The following FLCN variants were observed in gnomAD, a reference collection of about 807,000 sequenced individuals.
The protein encoded by FLCN is folliculin, also known as BHD skin lesion fibrofolliculoma protein.
A neutral mutation model predicts 62.5 loss-of-function variants in FLCN; 22 were observed. The ratio of observed to expected loss-of-function variants is 0.35; its 90% CI spans 0.25 to 0.50. The LOEUF is 0.50. Among genes scored for constraint, FLCN ranks in the 20% least tolerant of loss-of-function variants. FLCN has a pLI of 0.97. For synonymous variants in FLCN, 319 were observed against 310.0 expected (o/e 1.03, Z -0.30); for missense variants, 657 against 778.0 (o/e 0.84, Z 1.85).
In FLCN at chr17:17,213,072, T is replaced by C; in HGVS notation, c.*583A>G. On this transcript the variant is annotated 3_prime_UTR_variant, in exon 14 of 14. Coordinates refer to ENST00000285071, the MANE Select transcript of FLCN (RefSeq NM_144997.7). ...CACCCCAGAAGACGAGCCCCATGGC[T>C]TCAGAACACACATTTCAGAGGACCA... is the stretch of plus-strand genomic sequence containing the variant. 1 of 253,620 alleles carries C rather than the reference T, an allele frequency of 3.9e-6. No homozygotes were observed. Among genetic ancestry groups the C allele is most frequent in the Non-Finnish European group, 7.8e-6 (1 of 129,016 alleles). The allele number at this position is 253,620 out of a possible 1,614,324, so 15.7% of individuals were successfully genotyped here. A position where few individuals can be genotyped will look rare whatever the true frequency, so the allele number is the denominator to read the frequency against.
intron 4 of FLCN, 92 bp downstream of exon 4, chr17:17,227,797 C>G (rs1025175187): frequency 6.3e-7 from 1 of 1,584,620 alleles, no homozygotes; most frequent in East Asian, 2.2e-5. Context: ...GTCTGTGTCA[C>G]CCCGGGAGGC....
At chr17:17,223,481 TGA>T (rs1350668608) in intron 6 of FLCN, among the ~76,000 whole-genome samples, 1 of 152,168 alleles carries the variant, frequency 6.6e-6, no homozygotes, top group Non-Finnish European at 1.5e-5. Context: ...GCACACACCA[TGA>T]GTAAGAAACA....
chr17:17,236,506 C>A (rs1170843642), intron 1 of FLCN, among the ~76,000 whole-genome samples: 2 of 152,208 alleles, frequency 1.3e-5, no homozygotes, highest in Non-Finnish European at 2.9e-5. Context: ...CCAATCCATT[C>A]TTTCCAGGAG....
intron 1 of FLCN, among the ~76,000 whole-genome samples, chr17:17,234,278 C>T (rs1410314611): frequency 1.3e-5 from 2 of 148,614 alleles, no homozygotes; most frequent in Non-Finnish European, 3.0e-5. Flanking sequence ...GTGCAGCAAT[C>T]TCGGATCACT....
At position 17,228,149 on chromosome 17, in the gene FLCN, G is replaced by A. The variant is rs779391001; in HGVS notation, c.-12C>T. 6.9e-5 allele frequency: 111 copies of A among 1,611,706 alleles called. No homozygotes were observed. The highest frequency in any genetic ancestry group is 7.5e-5 in the Non-Finnish European group (89 of 1,179,884). On this transcript the variant is annotated 5_prime_UTR_variant, in exon 4 of 14. Transcript: ENST00000285071. ...ACGATGGCATTCATGGTGCCTTGGA[G>A]ACTGCAACAGGCCTGCGTGGGACAG...
At chr17:17,227,253 T>A (rs2047278489) in intron 4 of FLCN, among the ~76,000 whole-genome samples, 2 of 151,584 alleles carry the variant, frequency 1.3e-5, no homozygotes, top group Non-Finnish European at 2.9e-5. Flanking sequence ...CTCACACTAA[T>A]TCCCGAGAGT....
rs763078516 is a variant in FLCN, at chr17:17,219,100, T to C, written c.981A>G (p.Ala327=). The part of the protein sequence containing the change: ...TEGRELTQGP[A]ESSSLSGCGS... ...CACAGCCTGAGAGAGAGGAGGACTC[T>C]GCCGGGCCCTGGGTCAGCTCCCGCC... Residue 327 remains alanine (A), a synonymous_variant, in exon 9 of 14, where the codon GCA becomes GCG. Coordinates refer to ENST00000285071, the MANE Select transcript of FLCN (RefSeq NM_144997.7). The C allele has an allele frequency of 3.1e-6, 5 of 1,614,196 alleles. No individual in the cohort carries two copies. Among genetic ancestry groups the C allele is most frequent in the Non-Finnish European group, 3.4e-6 (4 of 1,180,018 alleles).
rs34208211 is a variant in FLCN at position 17,233,716 on chromosome 17, C to CTTT, written c.-227-818_-227-816dup. Among the ~76,000 whole-genome samples, 325 of 63,950 alleles carry CTTT rather than the reference C, an allele frequency of 5.1e-3. 13 individuals are homozygous for CTTT. Among genetic ancestry groups the CTTT allele is most frequent in the African/African-American group, 0.017 (281 of 16,070 alleles). The allele number at this position is 63,950 out of a possible 152,430, so 42.0% of individuals were successfully genotyped here. A position where few individuals can be genotyped will look rare whatever the true frequency, so the allele number is the denominator to read the frequency against. ...TCAAGGCTGCAAGTTCCCATCTTTC[C>CTTT]TTTTTTTTTTTTTTTTTTTTTTTTG... On this transcript the variant is annotated intron_variant, in intron 1 of 13. Coordinates refer to ENST00000285071, the MANE Select transcript of FLCN (RefSeq NM_144997.7).
rs752170592 is a variant in FLCN, at chr17:17,216,409, A to G, written c.1271T>C (p.Val424Ala). 32 of 1,613,606 alleles carry G rather than the reference A, an allele frequency of 2.0e-5. No individual in the cohort carries two copies. The highest frequency in any genetic ancestry group is 2.6e-5 in the Non-Finnish European group (31 of 1,179,814). Residue 424 changes from valine to alanine, a missense_variant, in exon 11 of 14, where the codon GTG becomes GCG. Physicochemically the swap from Val to Ala is moderately conservative, Grantham distance 64 (BLOSUM62 0). Transcript: ENST00000285071. The surrounding 1 kb of genome is among the most constrained non-coding windows in gnomAD (Gnocchi z 4.0). ...RCNFLGLSPH[V>A]QIPPHVLSSE... is the part of the protein sequence containing the mutation. ...GGAGAGCACGTGGGGGGGGATCTGC[A>G]CGTGCGGGCTGAGCCCCAGGAAGTT...
rs1317148333 is a variant in FLCN, at chr17:17,218,761, A to T, written c.1062+258T>A. 2.6e-5 allele frequency among the ~76,000 whole-genome samples: 4 copies of T among 152,180 alleles called. No individual in the cohort carries two copies. In the East Asian group the frequency reaches 7.7e-4, roughly 29 times the overall value. On this transcript the variant is annotated intron_variant, in intron 9 of 13. Transcript: ENST00000285071. ...TGTTCAATGCCTTTAGGAGCTTCTTAGAGGATTAGAGGACCATGGGATGCC... is the reference window on the plus strand; with the variant it reads ...TGTTCAATGCCTTTAGGAGCTTCTTTGAGGATTAGAGGACCATGGGATGCC...
In FLCN at chr17:17,213,444, C is replaced by T; in HGVS notation, c.*211G>A. The stretch of plus-strand genomic sequence containing the variant: ...CCATCATCCCTCCGCCTTTCATTGC[C>T]ATCTTCAGCGATTCCAACGGCTGGA... On this transcript the variant is annotated 3_prime_UTR_variant, in exon 14 of 14. Coordinates refer to ENST00000285071, the MANE Select transcript of FLCN (RefSeq NM_144997.7). 2 of 648,586 alleles carry T rather than the reference C, an allele frequency of 3.1e-6. No homozygotes were observed. The highest frequency in any genetic ancestry group is 3.6e-5 in the South Asian group (2 of 55,062). 40.2% of individuals were successfully genotyped at this position (648,586 alleles called of 1,614,324 possible). A position where few individuals can be genotyped will look rare whatever the true frequency, so the allele number is the denominator to read the frequency against.
In FLCN at chr17:17,213,412, A is replaced by T; in HGVS notation, c.*243T>A. 1.7e-6 allele frequency: 1 copy of T among 602,454 alleles called. No homozygotes were observed. Among genetic ancestry groups the T allele is most frequent in the South Asian group, 1.9e-5 (1 of 52,160 alleles). The allele number at this position is 602,454 out of a possible 1,614,324, so 37.3% of individuals were successfully genotyped here. A position where few individuals can be genotyped will look rare whatever the true frequency, so the allele number is the denominator to read the frequency against. ...GTCTCTCCAAGGAGTTTGAACACAGAGAGAGCCCATCATCCCTCCGCCTTT... is the reference window on the plus strand; with the variant it reads ...GTCTCTCCAAGGAGTTTGAACACAGTGAGAGCCCATCATCCCTCCGCCTTT... On this transcript the variant is annotated 3_prime_UTR_variant, in exon 14 of 14. Coordinates refer to ENST00000285071, the MANE Select transcript of FLCN (RefSeq NM_144997.7).
chr17:17,218,398 T>G (rs2046987185), intron 9 of FLCN, among the ~76,000 whole-genome samples: 1 of 151,108 alleles, frequency 6.6e-6, no homozygotes, highest in Non-Finnish European at 1.5e-5. Context: ...TTTTTTTTTT[T>G]TTTTTGAGAT....
intron 2 of FLCN, among the ~76,000 whole-genome samples, chr17:17,232,516 CCAAA>C (rs1041309379): frequency 2.0e-5 from 3 of 152,034 alleles, no homozygotes; most frequent in South Asian, 2.1e-4. Flanking sequence ...GGCACAGGAA[CCAAA>C]CAGACAGTTT....
At chr17:17,218,383 TTTC>T (rs1177993941) in intron 9 of FLCN, among the ~76,000 whole-genome samples, 10 of 117,438 alleles carry the variant, frequency 8.5e-5, no homozygotes, top group African/African-American at 2.5e-4. Context: ...TGACCATCAC[TTTC>T]TTTTTTTTTT....
chr17:17,232,309 G>A lies in FLCN; in HGVS notation c.-113-427C>T, dbSNP rs901539109. Reference sequence around the variant, plus strand: ...CCCCTGCCCTGCTTTGAGTCGTAGCGCTCCTCATCGCAGAACTGCGCCTCC... The same window carrying A: ...CCCCTGCCCTGCTTTGAGTCGTAGCACTCCTCATCGCAGAACTGCGCCTCC... On this transcript the variant is annotated intron_variant, in intron 2 of 13. Transcript: ENST00000285071. Among the ~76,000 whole-genome samples the A allele has an allele frequency of 5.9e-5, 9 of 152,314 alleles. 1 individual carries two copies. The Middle Eastern group carries it at 0.017, about 288-fold the overall frequency.
At chr17:17,214,723 T>C (rs1597577579) in intron 13 of FLCN, among the ~76,000 whole-genome samples, 1 of 152,106 alleles carries the variant, frequency 6.6e-6, no homozygotes, top group East Asian at 1.9e-4. Context: ...TCCTGTGAGC[T>C]TGGAGCCCTT....
chr17:17,221,513 C>G (rs1308721056), intron 8 of FLCN, 24 bp downstream of exon 8: 1 of 1,613,722 alleles, frequency 6.2e-7, no homozygotes, highest in East Asian at 2.2e-5. Flanking sequence ...GGCCAAGGCC[C>G]CGGCAACAGC....
chr17:17,234,212 TG>T lies in FLCN; in HGVS notation c.-227-1312del, dbSNP rs1170605959. Among the ~76,000 whole-genome samples the T allele has an allele frequency of 2.6e-3, 242 of 93,150 alleles. 2 individuals carry two copies. Among genetic ancestry groups the T allele is most frequent in the East Asian group, 5.5e-3 (14 of 2,550 alleles). The allele number at this position is 93,150 out of a possible 152,430, so 61.1% of individuals were successfully genotyped here. A position where few individuals can be genotyped will look rare whatever the true frequency, so the allele number is the denominator to read the frequency against. ...TGGGCTACACTGTTTTGTTTTTTTT[TG>T]GTTTGTTTTTTTTTTTGCGGAAGGG... On this transcript the variant is annotated intron_variant, in intron 1 of 13. Coordinates refer to ENST00000285071, the MANE Select transcript of FLCN (RefSeq NM_144997.7).
Sources: gnomAD v4.1 joint callset for allele counts (sites outside exome capture counted in the v4.1 genomes callset) on GRCh38, gnomAD v4.1.1 for gene constraint, Gnocchi (gnomAD v3.1) non-coding constraint, MANE v1.5 for transcripts, NCBI Gene and HGNC (gene_info 2026-07-23, HGNC 2026-07-21) for gene names.